TRPM7: variants seen among roughly 807,000 people sequenced by gnomAD.
TRPM7 encodes the protein LTRPC ion channel family member 7.
Under a neutral mutation model 229.7 loss-of-function variants are expected in TRPM7, and 134 were observed. The ratio of observed to expected loss-of-function variants is 0.58; its 90% CI spans 0.51 to 0.67. TRPM7 has a LOEUF of 0.67. TRPM7 is among the 30% of genes least tolerant of loss of function. The pLI is 0.00. For missense variants in TRPM7, 1,901 were observed against 2,210.0 expected, an observed-to-expected ratio of 0.86 and a Z score of 2.80; for synonymous variants, 699 against 715.2, an observed-to-expected ratio of 0.98 and a Z score of 0.36.
chr15:50,653,835 G>C (rs1268648550), intron 3 of TRPM7, among the ~76,000 whole-genome samples: 2 of 152,158 alleles, frequency 1.3e-5, no homozygotes, highest in Non-Finnish European at 2.9e-5. Context: ...ATTCTGTGAT[G>C]CCTAGCAGTA....
intron 36 of TRPM7, among the ~76,000 whole-genome samples, chr15:50,572,595 A>G (rs1276919811): frequency 6.6e-6 from 1 of 152,242 alleles, no homozygotes; most frequent in African/African-American, 2.4e-5. Flanking sequence ...GCTTCGTTGC[A>G]GTAGTCTGGA....
intron 19 of TRPM7, among the ~76,000 whole-genome samples, chr15:50,607,807 G>A (rs1039619438): frequency 9.3e-5 from 14 of 150,910 alleles, no homozygotes; most frequent in African/African-American, 3.4e-4. Context: ...AGAACTTTGG[G>A]AAGCCAATGC....
At position 50,637,583 on chromosome 15, in the gene TRPM7, G is replaced by A; in HGVS notation, c.671C>T (p.Pro224Leu). ...CAGGGGGTTCAATAAGGTTTGATAA[G>A]GAGCAACCACCTAAACAATAGCAAA... ...NDLVGRDVVA[P>L]YQTLLNPLSK... Residue 224 changes from proline (P) to leucine (L), a missense_variant, in exon 7 of 39, where the codon CCT becomes CTT. Coordinates refer to ENST00000646667, the MANE Select transcript of TRPM7 (RefSeq NM_017672.6). 1 of 1,613,206 alleles carries A rather than the reference G, an allele frequency of 6.2e-7. No individual in the cohort carries two copies. Among genetic ancestry groups the A allele is most frequent in the Non-Finnish European group, 8.5e-7 (1 of 1,179,720 alleles).
At position 50,613,832 on chromosome 15, in the gene TRPM7, G is replaced by C; in HGVS notation, c.1645C>G (p.Arg549Gly). 1.2e-6 allele frequency: 2 copies of C among 1,608,732 alleles called. No individual in the cohort carries two copies. The highest frequency in any genetic ancestry group is 1.3e-5 in the African/African-American group (1 of 74,634). ...TGAGGAGTGCTGCTGGAGGTATTTCGGCCAGACCTCTGAAAATGAGATCTT... is the reference window on the plus strand; with the variant it reads ...TGAGGAGTGCTGCTGGAGGTATTTCCGCCAGACCTCTGAAAATGAGATCTT... Reference protein sequence around the residue: ...SLGGNNRRSGRNTSSSTPQLR... With the variant: ...SLGGNNRRSGGNTSSSTPQLR... The change falls in exon 15 of 39, where the codon CGA becomes GGA. Residue 549 changes from arginine to glycine, a missense_variant. Around this residue, in one of 8 missense-constraint regions of TRPM7, gnomAD observed 794 missense variants for 881.9 expected, o/e 0.90. Transcript: ENST00000646667.
chr15:50,604,576 G>GAAAAAAAAAAAAAAAAAA (rs376885628), intron 21 of TRPM7: 1 of 76,968 alleles, frequency 1.3e-5, no homozygotes, highest in Admixed American at 1.6e-4. Flanking sequence ...GTCTCAAAAA[G>GAAAAAAAAAAAAAAAAAA]AAAAAAAAAA....
rs773399881 is a variant in TRPM7 at position 50,611,240 on chromosome 15, A to G, written c.2133T>C (p.Tyr711=). 12 of 1,614,002 alleles carry G rather than the reference A, an allele frequency of 7.4e-6. No homozygotes were observed. Among genetic ancestry groups the G allele is most frequent in the Non-Finnish European group, 1.0e-5 (12 of 1,179,952 alleles). ...TTGAATTACTCCAGTTCTTCAGTTC[A>G]TAAGTGAGCAATTTCATAGCCATGG... is the stretch of plus-strand genomic sequence containing the variant. The part of the protein sequence containing the change: ...DETMAMKLLT[Y]ELKNWSNSTC... The change falls in exon 17 of 39, where the codon TAT becomes TAC. Residue 711 remains tyrosine (Y), a synonymous_variant. Coordinates refer to ENST00000646667, the MANE Select transcript of TRPM7 (RefSeq NM_017672.6).
Position 50,561,011 on chromosome 15 carries a change from T to C in TRPM7, c.*667A>G, listed in dbSNP as rs1341051160. On this transcript the variant is annotated 3_prime_UTR_variant, in exon 39 of 39. Coordinates refer to ENST00000646667, the MANE Select transcript of TRPM7 (RefSeq NM_017672.6). ...CAATGTTTAAAAAACCCAATTAACA[T>C]TTTTACACAATTTGGGTTCTATTTA... is the stretch of plus-strand genomic sequence containing the variant. 1 of 148,438 alleles carries C rather than the reference T, an allele frequency of 6.7e-6. No homozygotes were observed. Among genetic ancestry groups the C allele is most frequent in the Non-Finnish European group, 1.5e-5 (1 of 67,008 alleles). 9.2% of individuals were successfully genotyped at this position (148,438 alleles called of 1,614,324 possible).
chr15:50,657,870 AT>A, intron 2 of TRPM7, 51 bp from the exon 3 acceptor site: 1 of 1,466,582 alleles, frequency 6.8e-7, no homozygotes, highest in Non-Finnish European at 9.4e-7. Context: ...AAACTTTCTG[AT>A]TTTAAAGTAT....
intron 36 of TRPM7, among the ~76,000 whole-genome samples, chr15:50,573,495 A>T (rs76817329): frequency 0.035 from 5,305 of 152,286 alleles, 308 homozygotes; most frequent in African/African-American, 0.12. Flanking sequence ...TTTTGAGGTG[A>T]CAGCAGAGAG....
chr15:50,663,070 T>C (rs773293887), intron 1 of TRPM7, 24 bp from the exon 2 acceptor site: 4 of 1,573,912 alleles, frequency 2.5e-6, no homozygotes, highest in South Asian at 1.1e-5. Context: ...TTTTAAAGAA[T>C]TGTTTATAAG....
intron 38 of TRPM7, among the ~76,000 whole-genome samples, chr15:50,563,721 C>T (rs971032653): frequency 6.6e-6 from 1 of 152,200 alleles, no homozygotes; most frequent in East Asian, 1.9e-4. Flanking sequence ...TTATAGCAAG[C>T]CTGCCCGACC....
intron 1 of TRPM7, among the ~76,000 whole-genome samples, chr15:50,668,446 C>T (rs887474603): frequency 6.6e-6 from 1 of 152,124 alleles, no homozygotes; most frequent in African/African-American, 2.4e-5. Context: ...TTTCTCTCTA[C>T]CCCATTTCTC....
chr15:50,682,005 C>T (rs550198269), intron 1 of TRPM7, among the ~76,000 whole-genome samples: 8 of 151,806 alleles, frequency 5.3e-5, no homozygotes, highest in Non-Finnish European at 1.0e-4. Flanking sequence ...TGGGGAAACC[C>T]TGTCTCTACT....
intron 38 of TRPM7, among the ~76,000 whole-genome samples, chr15:50,565,127 A>G (rs576734894): frequency 1.3e-5 from 2 of 151,980 alleles, no homozygotes; most frequent in South Asian, 4.2e-4. Flanking sequence ...GATTACAGGC[A>G]CCCACCACCA....
intron 27 of TRPM7, 82 bp from the exon 28 acceptor site, chr15:50,586,570 T>C: frequency 1.2e-6 from 1 of 838,320 alleles, no homozygotes. Flanking sequence ...TTAGAGTCCC[T>C]TGATCTATTT....
intron 38 of TRPM7, among the ~76,000 whole-genome samples, chr15:50,567,206 T>C (rs1263323693): frequency 5.9e-5 from 9 of 152,306 alleles, no homozygotes; most frequent in Non-Finnish European, 1.0e-4. Flanking sequence ...CTTTAAGTTT[T>C]AGGGTACATG....
At chr15:50,579,319 G>A (rs1031562024) in intron 30 of TRPM7, among the ~76,000 whole-genome samples, 1 of 152,218 alleles carries the variant, frequency 6.6e-6, no homozygotes, top group African/African-American at 2.4e-5. Flanking sequence ...GCTCAGGAAT[G>A]AAAGGACCAG....
intron 38 of TRPM7, among the ~76,000 whole-genome samples, chr15:50,563,783 A>C (rs1228849359): frequency 6.6e-6 from 1 of 152,184 alleles, no homozygotes; most frequent in African/African-American, 2.4e-5. Flanking sequence ...ACTTTCTTAA[A>C]ACATGATGGC....
intron 26 of TRPM7, among the ~76,000 whole-genome samples, chr15:50,590,014 T>C (rs1199974931): frequency 6.6e-6 from 1 of 152,038 alleles, no homozygotes; most frequent in Non-Finnish European, 1.5e-5. Context: ...CGTGCCACCA[T>C]GCCTGACTAA....
Sources: allele counts gnomAD v4.1 joint callset (sites outside exome capture counted in the v4.1 genomes callset), GRCh38; gene constraint gnomAD v4.1.1; regional missense constraint gnomAD v4.1.1; transcripts MANE v1.5; gene names NCBI Gene and HGNC (gene_info 2026-07-23, HGNC 2026-07-21).